LRRFIP2: variants seen among roughly 807,000 people sequenced by gnomAD.
LRRFIP2 encodes the protein LRR binding FLII interacting protein 2.
A neutral mutation model predicts 125.9 loss-of-function variants in LRRFIP2; 109 were observed. The observed-to-expected ratio is 0.87, with a 90% CI of 0.74 to 1.01. LRRFIP2 has a LOEUF of 1.01. Ranked by LOEUF, LRRFIP2 falls within the 50% of genes least tolerant of loss-of-function variation. The pLI, the probability that LRRFIP2 is intolerant of heterozygous loss-of-function variation, is 0.00. For missense variants in LRRFIP2, 850 were observed against 862.3 expected, an observed-to-expected ratio of 0.99 and a Z score of 0.18; for synonymous variants, 291 against 293.1, an observed-to-expected ratio of 0.99 and a Z score of 0.07.
At chr3:37,059,785 CA>C (rs78008596) in intron 24 of LRRFIP2, among the ~76,000 whole-genome samples, 43 of 144,494 alleles carry the variant, frequency 3.0e-4, no homozygotes, top group African/African-American at 4.1e-4. Flanking sequence ...GACTCTGTCT[CA>C]AAAAAAAAAA....
At chr3:37,136,016 C>T (rs1000043291) in intron 2 of LRRFIP2, among the ~76,000 whole-genome samples, 1 of 152,046 alleles carries the variant, frequency 6.6e-6, no homozygotes, top group Admixed American at 6.6e-5. Flanking sequence ...TTGACAATAG[C>T]CAAAAAGTAG....
intron 1 of LRRFIP2, among the ~76,000 whole-genome samples, chr3:37,162,588 G>A (rs1254175661): frequency 6.6e-6 from 1 of 152,098 alleles, no homozygotes; most frequent in African/African-American, 2.4e-5. Flanking sequence ...TACACTCTTT[G>A]TCAATAAGCT....
intron 20 of LRRFIP2, 83 bp downstream of exon 20, chr3:37,074,941 C>CGG: frequency 4.2e-6 from 3 of 722,824 alleles, no homozygotes; most frequent in East Asian, 3.0e-5. Context: ...TGCATCTTAA[C>CGG]TCTCCTTCCC....
chr3:37,126,793 A>C (rs2095290757), intron 4 of LRRFIP2, among the ~76,000 whole-genome samples: 1 of 151,616 alleles, frequency 6.6e-6, no homozygotes, highest in African/African-American at 2.4e-5. Flanking sequence ...CAGGAGACGG[A>C]GGTTGCAGTG....
intron 1 of LRRFIP2, among the ~76,000 whole-genome samples, chr3:37,164,332 T>C (rs2096421049): frequency 6.6e-6 from 1 of 152,058 alleles, no homozygotes; most frequent in Non-Finnish European, 1.5e-5. Context: ...TGGGATGAAA[T>C]AGTGAAGAAA....
intron 1 of LRRFIP2, among the ~76,000 whole-genome samples, chr3:37,157,284 A>G (rs949845958): frequency 2.6e-5 from 4 of 152,146 alleles, no homozygotes; most frequent in African/African-American, 9.7e-5. Context: ...CTCTACAAAA[A>G]ACACAAAAAT....
At chr3:37,054,997 G>T in intron 26 of LRRFIP2, 89 bp downstream of exon 26, 2 of 804,246 alleles carry the variant, frequency 2.5e-6, no homozygotes, top group Non-Finnish European at 4.1e-6. Flanking sequence ...TGATCCAACT[G>T]CAAAGGCAAC....
At position 37,108,495 on chromosome 3, in the gene LRRFIP2, TA is replaced by T. The variant is rs3841522; in HGVS notation, c.657+141del. The T allele has an allele frequency of 1.9e-3, 1,274 of 654,702 alleles. 29 individuals are homozygous for T. The East Asian group carries it at 0.035, about 18-fold the overall frequency. 40.6% of individuals were successfully genotyped at this position (654,702 alleles called of 1,614,324 possible). A position where few individuals can be genotyped will look rare whatever the true frequency, so the allele number is the denominator to read the frequency against. ...CTAGCTCAATGACTTGATCACAGCT[TA>T]GAGAGTAATTCCAGGTCAGATTAAA... On this transcript the variant is annotated intron_variant, in intron 12 of 27. Transcript: ENST00000336686.
chr3:37,130,027 T>G (rs1051017908), intron 2 of LRRFIP2, among the ~76,000 whole-genome samples: 1 of 152,020 alleles, frequency 6.6e-6, no homozygotes, highest in African/African-American at 2.4e-5. Flanking sequence ...AATTCTGTGG[T>G]TTTTAGTATA....
At chr3:37,105,063 G>C (rs1033536726) in intron 14 of LRRFIP2, among the ~76,000 whole-genome samples, 1 of 152,106 alleles carries the variant, frequency 6.6e-6, no homozygotes, top group Non-Finnish European at 1.5e-5. Context: ...CAACAATATA[G>C]AAAGCAATTA....
In LRRFIP2 at chr3:37,080,518, A is replaced by G. The variant is rs180824995; in HGVS notation, c.1278+3118T>C. Among the ~76,000 whole-genome samples, 182 of 152,300 alleles carry G rather than the reference A, an allele frequency of 1.2e-3. 1 individual carries two copies. Among genetic ancestry groups the G allele is most frequent in the Admixed American group, 2.8e-3 (43 of 15,294 alleles). On this transcript the variant is annotated intron_variant, in intron 19 of 27. Coordinates refer to ENST00000336686, the MANE Select transcript of LRRFIP2 (RefSeq NM_006309.4). ...CTAGTCAATTAAAGGATCTAAGCAC[A>G]CACATACAGCCTAACAGTCAGCCAC...
At chr3:37,175,166 G>C (rs537903127), upstream of LRRFIP2, 3 of 152,024 alleles carry the variant, frequency 2.0e-5, no homozygotes, top group South Asian at 4.2e-4. Flanking sequence ...TCCATACCCC[G>C]CTCTCCTTCT....
At chr3:37,167,852 G>A (rs189326068) in intron 1 of LRRFIP2, among the ~76,000 whole-genome samples, 248 of 152,092 alleles carry the variant, frequency 1.6e-3, no homozygotes, top group African/African-American at 5.7e-3. Flanking sequence ...GTGCACACCT[G>A]TACTCCCAGC....
chr3:37,054,335 C>A, intron 27 of LRRFIP2, 76 bp downstream of exon 27: 1 of 1,230,180 alleles, frequency 8.1e-7, no homozygotes. Context: ...AAATTTCTTA[C>A]ACAGCTAAGA....
At chr3:37,066,525 T>C (rs1299706553) in intron 21 of LRRFIP2, 200 bp from the exon 22 acceptor site, 2 of 538,362 alleles carry the variant, frequency 3.7e-6, no homozygotes, top group Non-Finnish European at 6.7e-6. Flanking sequence ...AGACTTCTCA[T>C]AGAAACTGGT....
At chr3:37,167,196 CCAAAAAA>C (rs1340380152) in intron 1 of LRRFIP2, among the ~76,000 whole-genome samples, 4 of 55,832 alleles carry the variant, frequency 7.2e-5, no homozygotes, top group African/African-American at 1.9e-4. Flanking sequence ...AATCTTGTCT[CCAAAAAA>C]AAAAAAAAAA....
At chr3:37,075,330 T>C (rs1216898077) in intron 19 of LRRFIP2, among the ~76,000 whole-genome samples, 7 of 152,020 alleles carry the variant, frequency 4.6e-5, no homozygotes, top group African/African-American at 1.4e-4. Context: ...AACTAATCAA[T>C]GGCAAAATTA....
Position 37,066,295 on chromosome 3 carries a change from AG to A in LRRFIP2, c.1494del (p.Cys499AlafsTer20). On this transcript the variant is annotated frameshift_variant, in exon 22 of 28. Transcript: ENST00000336686. LOFTEE classifies it high-confidence loss of function. Reference sequence around the variant, plus strand: ...AGCATATCTCGCTCATTCCTAAGGCAGGCAATGTATTCTTTCTGTTTCTCTA... The same window carrying A: ...AGCATATCTCGCTCATTCCTAAGGCAGCAATGTATTCTTTCTGTTTCTCTA... ...GALEKQKEYI[A>X]CLRNERDMLR... The A allele has an allele frequency of 6.2e-7, 1 of 1,614,154 alleles. No homozygotes were observed. Among genetic ancestry groups the A allele is most frequent in the South Asian group, 1.1e-5 (1 of 91,084 alleles).
At chr3:37,102,487 T>G (rs1159669999) in intron 15 of LRRFIP2, among the ~76,000 whole-genome samples, 1 of 148,846 alleles carries the variant, frequency 6.7e-6, no homozygotes, top group Non-Finnish European at 1.5e-5. Flanking sequence ...TTTTAACATG[T>G]TCAAACAATT....
Sources: gnomAD v4.1 joint callset for allele counts (sites outside exome capture counted in the v4.1 genomes callset) on GRCh38, gnomAD v4.1.1 for gene constraint, MANE v1.5 for transcripts, NCBI Gene and HGNC (gene_info 2026-07-23, HGNC 2026-07-21) for gene names.